The following PRELID2 variants were observed in gnomAD, a reference collection of about 807,000 sequenced individuals.
PRELID2 encodes the protein PRELI domain-containing protein 2.
A neutral mutation model predicts 28.4 loss-of-function variants in PRELID2; 25 were observed. The ratio of observed to expected loss-of-function variants is 0.88; its 90% CI spans 0.64 to 1.23. The LOEUF is 1.23. Ranked by LOEUF, PRELID2 falls within the 50% of genes most tolerant of loss-of-function variation. The probability of loss-of-function intolerance (pLI) is 0.00; values close to 1 mark genes in which losing one functional copy is unlikely to be tolerated. For missense variants in PRELID2, 201 were observed against 214.4 expected (o/e 0.94, Z 0.39); for synonymous variants, 76 against 71.6 (o/e 1.06, Z -0.31).
chr5:145,724,603 ATAT>A (rs1756083124), intron 1 of PRELID2, among the ~76,000 whole-genome samples: 3 of 76,530 alleles, frequency 3.9e-5, no homozygotes, highest in African/African-American at 1.3e-4. Context: ...GTAAATAAAT[ATAT>A]ATATATATAT....
intron 1 of PRELID2, among the ~76,000 whole-genome samples, chr5:145,514,208 A>C (rs1228981333): frequency 6.6e-6 from 1 of 151,992 alleles, no homozygotes. Flanking sequence ...GGCAAATTGG[A>C]TAGTCAAGAC....
chr5:145,298,907 G>A, the PRELID2 span, among the ~76,000 whole-genome samples: 3 of 152,040 alleles, frequency 2.0e-5, no homozygotes, highest in Non-Finnish European at 4.4e-5. Context: ...ATGTGAGACA[G>A]TATTTTAAAT....
the PRELID2 span, among the ~76,000 whole-genome samples, chr5:145,258,945 C>T: frequency 8.5e-4 from 130 of 152,256 alleles, no homozygotes; most frequent in African/African-American, 3.1e-3. Context: ...GCCCTGCCAC[C>T]CTGTGCAGTC....
At chr5:145,803,329 C>T (rs1753266460) in intron 4 of PRELID2, among the ~76,000 whole-genome samples, 1 of 152,130 alleles carries the variant, frequency 6.6e-6, no homozygotes, top group South Asian at 2.1e-4. Flanking sequence ...AAAACCAATG[C>T]AATTTGCAGA....
chr5:145,730,319 T>C (rs1020262348), intron 1 of PRELID2, among the ~76,000 whole-genome samples: 18 of 152,092 alleles, frequency 1.2e-4, no homozygotes, highest in African/African-American at 3.6e-4. Flanking sequence ...ATGCCCAATT[T>C]CAAAGAAGAG....
At chr5:145,721,680 C>G (rs1412980214) in intron 1 of PRELID2, among the ~76,000 whole-genome samples, 2 of 152,036 alleles carry the variant, frequency 1.3e-5, no homozygotes, top group Non-Finnish European at 2.9e-5. Flanking sequence ...AACTCACCAA[C>G]AGGTATCAAA....
At chr5:145,395,959 C>A in the PRELID2 span, among the ~76,000 whole-genome samples, 1 of 152,178 alleles carries the variant, frequency 6.6e-6, no homozygotes, top group East Asian at 1.9e-4. Context: ...TTACTACCTT[C>A]TGGGCTTCAA....
the PRELID2 span, among the ~76,000 whole-genome samples, chr5:145,386,560 T>G: frequency 6.6e-6 from 1 of 152,116 alleles, no homozygotes; most frequent in Non-Finnish European, 1.5e-5. Context: ...TCCCCAGCCA[T>G]GCAGAACTGT....
At chr5:145,455,610 T>A in the PRELID2 span, among the ~76,000 whole-genome samples, 23 of 152,200 alleles carry the variant, frequency 1.5e-4, no homozygotes, top group Admixed American at 5.9e-4. Flanking sequence ...TGTGTCCTCT[T>A]CTATTTCCTT....
chr5:145,716,279 G>C (rs1429586712), intron 1 of PRELID2, among the ~76,000 whole-genome samples: 1 of 152,140 alleles, frequency 6.6e-6, no homozygotes, highest in Non-Finnish European at 1.5e-5. Flanking sequence ...CTCAACAAAT[G>C]TCTACTGAAA....
rs1401692921 is a variant in PRELID2 at position 145,658,662 on chromosome 5, T to C, written n.70+106269A>G. Among the ~76,000 whole-genome samples the C allele has an allele frequency of 4.6e-5, 7 of 152,322 alleles. No homozygotes were observed. In the East Asian group the frequency reaches 1.4e-3, roughly 29 times the overall value. ...TCAGCTCCTCCTTTGCCTTCCGTCA[T>C]GACTGAAAGCTTCCTAAGACCTCAC... On this transcript the variant is annotated intron_variant and non_coding_transcript_variant, in intron 1 of 2. Coordinates refer to the PRELID2 transcript ENST00000510259.
chr5:145,423,915 G>A, the PRELID2 span, among the ~76,000 whole-genome samples: 1 of 148,998 alleles, frequency 6.7e-6, no homozygotes, highest in African/African-American at 2.5e-5. Context: ...TGGGTTTTTG[G>A]TGTGGATGTC....
the PRELID2 span, chr5:145,229,555 C>G: frequency 7.2e-5 from 106 of 1,475,762 alleles, no homozygotes; most frequent in Non-Finnish European, 9.1e-5. Flanking sequence ...CCCACCAGAC[C>G]TCCTTGGAGC....
chr5:145,476,571 G>A (rs188841366), intron 1 of PRELID2, among the ~76,000 whole-genome samples: 48 of 152,186 alleles, frequency 3.2e-4, no homozygotes, highest in African/African-American at 8.4e-4. Flanking sequence ...CCTGAACCCC[G>A]GAGGTGGAGG....
At chr5:145,814,205 T>C (rs959728872) in intron 4 of PRELID2, among the ~76,000 whole-genome samples, 4 of 152,228 alleles carry the variant, frequency 2.6e-5, no homozygotes, top group African/African-American at 9.6e-5. Flanking sequence ...AATTGTCATT[T>C]TATATATCAC....
At chr5:145,813,036 T>C (rs62392348) in intron 4 of PRELID2, among the ~76,000 whole-genome samples, 1,583 of 152,248 alleles carry the variant, frequency 0.01, 13 homozygotes, top group Middle Eastern at 0.031. Context: ...GCTTAGTTTC[T>C]AAAGGAAACT....
At chr5:145,441,457 T>C in the PRELID2 span, among the ~76,000 whole-genome samples, 2 of 152,102 alleles carry the variant, frequency 1.3e-5, no homozygotes, top group Non-Finnish European at 2.9e-5. Flanking sequence ...TCCTCTCTTA[T>C]CTATTTTCCA....
chr5:145,495,927 G>A (rs1467187231), intron 1 of PRELID2, among the ~76,000 whole-genome samples: 1 of 152,146 alleles, frequency 6.6e-6, no homozygotes, highest in Non-Finnish European at 1.5e-5. Context: ...CTCAGAGTGT[G>A]AGTCACCGGA....
At chr5:145,260,340 A>T in the PRELID2 span, among the ~76,000 whole-genome samples, 33 of 152,292 alleles carry the variant, frequency 2.2e-4, no homozygotes, top group African/African-American at 7.2e-4. Context: ...AATCAACGAA[A>T]CTAAAGACAG....
Sources: allele counts gnomAD v4.1 joint callset (sites outside exome capture counted in the v4.1 genomes callset), GRCh38; gene constraint gnomAD v4.1.1; transcripts MANE v1.5; gene names NCBI Gene and HGNC (gene_info 2026-07-23, HGNC 2026-07-21).